Variants in HYDIN observed in about 807,000 individuals in gnomAD.
HYDIN encodes the protein axonemal central pair apparatus protein HYDIN.
Under a neutral mutation model 403.9 loss-of-function variants are expected in HYDIN, and 132 were observed. The ratio of observed to expected loss-of-function variants is 0.33; its 90% CI spans 0.28 to 0.38. HYDIN has a LOEUF of 0.38. Among genes scored for constraint, HYDIN ranks in the 10% least tolerant of loss-of-function variants. The pLI is 1.00. For synonymous variants in HYDIN, 1,202 were observed against 1,891.7 expected (o/e 0.64, Z 9.46); for missense variants, 2,827 against 5,009.5 (o/e 0.56, Z 13.15).
intron 8 of HYDIN, chr16:71,132,642 G>A (rs2084755544): frequency 7.5e-6 from 1 of 134,018 alleles, no homozygotes; most frequent in Non-Finnish European, 1.6e-5. Context: ...TCCATGGACT[G>A]AGGAGTATGA....
At chr16:70,907,817 T>C (rs2076577202) in intron 49 of HYDIN, among the ~76,000 whole-genome samples, 1 of 151,194 alleles carries the variant, frequency 6.6e-6, no homozygotes, top group Non-Finnish European at 1.5e-5. Context: ...TGAATTAGCT[T>C]CTGAGTCCCT....
At chr16:70,908,110 A>C in intron 49 of HYDIN, 142 bp downstream of exon 49, 3 of 648,596 alleles carry the variant, frequency 4.6e-6, no homozygotes, top group Non-Finnish European at 7.9e-6. Context: ...TCAATATTCA[A>C]GACATGGAAG....
At chr16:70,925,647 A>G (rs1474237980) in intron 45 of HYDIN, among the ~76,000 whole-genome samples, 1 of 151,502 alleles carries the variant, frequency 6.6e-6, no homozygotes, top group East Asian at 1.9e-4. Context: ...GCACAGCAAA[A>G]GAAACTACCA....
intron 1 of HYDIN, among the ~76,000 whole-genome samples, chr16:71,222,686 C>A (rs1205541592): frequency 2.6e-5 from 4 of 152,124 alleles, no homozygotes; most frequent in African/African-American, 9.7e-5. Context: ...TCTACACCAA[C>A]AACAACCATG....
At chr16:70,981,945 G>A (rs2656781) in intron 28 of HYDIN, among the ~76,000 whole-genome samples, 1 of 151,956 alleles carries the variant, frequency 6.6e-6, no homozygotes, top group African/African-American at 2.4e-5. Context: ...TGGCTAACAC[G>A]GTAAAACCCC....
intron 18 of HYDIN, among the ~76,000 whole-genome samples, chr16:71,041,832 A>C (rs2081296841): frequency 1.3e-5 from 2 of 151,982 alleles, no homozygotes; most frequent in East Asian, 3.9e-4. Flanking sequence ...AAATAACTCA[A>C]CTTAAAAGGA....
chr16:70,876,640 AC>A (rs1181258720), intron 62 of HYDIN, among the ~76,000 whole-genome samples: 2 of 87,676 alleles, frequency 2.3e-5, no homozygotes, highest in Non-Finnish European at 4.3e-5. Context: ...AAAATCTCAA[AC>A]CCTAACACTG....
intron 18 of HYDIN, among the ~76,000 whole-genome samples, chr16:71,053,210 C>T (rs916401908): frequency 2.6e-5 from 4 of 151,872 alleles, no homozygotes; most frequent in African/African-American, 4.8e-5. Context: ...TAAATAGATA[C>T]CTCAAACACT....
At chr16:71,009,604 C>A (rs1159491264) in intron 23 of HYDIN, among the ~76,000 whole-genome samples, 4 of 152,004 alleles carry the variant, frequency 2.6e-5, no homozygotes, top group African/African-American at 7.3e-5. Flanking sequence ...CCTTATATGG[C>A]AAAAGGGACT....
chr16:70,938,033 G>A (rs2077548822), intron 44 of HYDIN, among the ~76,000 whole-genome samples: 1 of 152,238 alleles, frequency 6.6e-6, no homozygotes, highest in African/African-American at 2.4e-5. Flanking sequence ...GTGGCTGAGG[G>A]TGCTGGCTTG....
intron 18 of HYDIN, among the ~76,000 whole-genome samples, chr16:71,037,239 G>GC (rs2081119750): frequency 6.9e-6 from 1 of 144,562 alleles, no homozygotes; most frequent in Admixed American, 6.9e-5. Flanking sequence ...TGGGCACAAA[G>GC]CAAGTCCTCA....
At position 70,992,204 on chromosome 16, in the gene HYDIN, C is replaced by T. The variant is rs746053020; in HGVS notation, c.3651G>A (p.Val1217=). The part of the protein sequence containing the change: ...VNDEENQIRF[V]TLPKKPYSAP... ...CACTGTAGGGCTTCTTCGGCAATGT[C>T]ACAAACCTACCAAAGCATGGGACAG... Residue 1217 remains valine, a synonymous_variant, in exon 24 of 86, where the codon GTG becomes GTA. Coordinates refer to ENST00000393567, the MANE Select transcript of HYDIN (RefSeq NM_001270974.2). 89 of 1,580,152 alleles carry T rather than the reference C, an allele frequency of 5.6e-5. No homozygotes were observed. The highest frequency in any genetic ancestry group is 7.7e-6 in the Non-Finnish European group (9 of 1,165,876).
At chr16:71,190,124 A>G (rs1397466023) in intron 1 of HYDIN, among the ~76,000 whole-genome samples, 1 of 152,210 alleles carries the variant, frequency 6.6e-6, no homozygotes, top group Admixed American at 6.5e-5. Flanking sequence ...GACAGCGCAG[A>G]GACCTGGATT....
At chr16:70,974,776 A>T (rs977184143) in intron 31 of HYDIN, 106 bp from the exon 32 acceptor site, 1 of 670,922 alleles carries the variant, frequency 1.5e-6, no homozygotes, top group Admixed American at 2.9e-5. Context: ...GCACAGTTTT[A>T]TTCTCCAGAG....
rs1474976755 is a variant in HYDIN at position 70,978,977 on chromosome 16, T to C, written c.4575A>G (p.Lys1525=). ...ARKNTDKEYN[K]CEMLDHFDII... ...TGTCAAAGTGATCGAGCATTTCACA[T>C]TTGTTATACTCTTTGTCTGTGTTTT... is the stretch of plus-strand genomic sequence containing the variant. Residue 1525 remains lysine (K), a synonymous_variant, in exon 30 of 86, where the codon AAA becomes AAG. Coordinates refer to ENST00000393567, the MANE Select transcript of HYDIN (RefSeq NM_001270974.2). 4 of 1,613,958 alleles carry C rather than the reference T, an allele frequency of 2.5e-6. No homozygotes were observed. The highest frequency in any genetic ancestry group is 3.4e-6 in the Non-Finnish European group (4 of 1,180,000).
intron 41 of HYDIN, among the ~76,000 whole-genome samples, chr16:70,948,215 C>A (rs1296211802): frequency 6.7e-6 from 1 of 148,666 alleles, no homozygotes; most frequent in African/African-American, 2.5e-5. Context: ...GAAAGGATTC[C>A]CTATTTAATA....
At chr16:71,120,720 A>G (rs570061536) in intron 9 of HYDIN, among the ~76,000 whole-genome samples, 1 of 152,036 alleles carries the variant, frequency 6.6e-6, no homozygotes, top group South Asian at 2.1e-4. Context: ...TCCTTCCTTG[A>G]AAGATTATTT....
intron 3 of HYDIN, among the ~76,000 whole-genome samples, chr16:71,180,427 AC>A (rs1343341351): frequency 6.6e-6 from 1 of 152,108 alleles, no homozygotes; most frequent in Non-Finnish European, 1.5e-5. Flanking sequence ...AGCAAATTCT[AC>A]CAAACATAAA....
intron 18 of HYDIN, among the ~76,000 whole-genome samples, chr16:71,057,720 A>C (rs1417503552): frequency 5.3e-5 from 8 of 151,608 alleles, no homozygotes; most frequent in Admixed American, 2.6e-4. Flanking sequence ...TAATATCCAG[A>C]ATCTACAATG....
Sources: gnomAD v4.1 joint callset for allele counts (sites outside exome capture counted in the v4.1 genomes callset) on GRCh38, gnomAD v4.1.1 for gene constraint, MANE v1.5 for transcripts, NCBI Gene and HGNC (gene_info 2026-07-23, HGNC 2026-07-21) for gene names.